APOBEC1: variants seen among roughly 807,000 people sequenced by gnomAD.
APOBEC1 encodes apolipoprotein B mRNA editing enzyme catalytic subunit 1.
A neutral mutation model predicts 26.3 loss-of-function variants in APOBEC1; 22 were observed. That is an observed-to-expected ratio of 0.84 (90% CI 0.60 to 1.19). APOBEC1 has a LOEUF of 1.19. APOBEC1 is among the 50% of genes most tolerant of loss of function. APOBEC1 has a pLI of 0.00. For missense variants in APOBEC1, 253 were observed against 289.0 expected, an observed-to-expected ratio of 0.88 and a Z score of 0.90; for synonymous variants, 77 against 95.3, an observed-to-expected ratio of 0.81 and a Z score of 1.12.
chr12:7,663,490 C>T lies in APOBEC1; in HGVS notation c.16+2367G>A, dbSNP rs558494075. On this transcript the variant is annotated intron_variant, in intron 1 of 4. Transcript: ENST00000229304. ...GGAAGGAGGAAGGGGGTGGCTGGCA[C>T]GTTGGAATGAGCTCTTCTCAGATCT... 9.2e-5 allele frequency among the ~76,000 whole-genome samples: 14 copies of T among 151,980 alleles called. 1 individual carries two copies. Among genetic ancestry groups the T allele is most frequent in the African/African-American group, 1.5e-4 (6 of 41,356 alleles).
intron 1 of APOBEC1, among the ~76,000 whole-genome samples, chr12:7,658,394 A>T (rs192202977): frequency 6.6e-6 from 1 of 152,180 alleles, no homozygotes; most frequent in Non-Finnish European, 1.5e-5. Context: ...GGTTTGATAG[A>T]TGATTAAATA....
chr12:7,652,407 A>G, intron 3 of APOBEC1, 31 bp downstream of exon 3: 2 of 1,579,288 alleles, frequency 1.3e-6, no homozygotes, highest in Non-Finnish European at 1.7e-6. Context: ...TCTGTTGTAA[A>G]CAATGAAGTT....
rs890884076 is a variant in APOBEC1 at position 7,651,093 on chromosome 12, T to C, written c.491A>G (p.Glu164Gly). The C allele has an allele frequency of 1.2e-6, 2 of 1,614,030 alleles. No individual in the cohort carries two copies. Among genetic ancestry groups the C allele is most frequent in the Admixed American group, 1.7e-5 (1 of 59,996 alleles). Residue 164 changes from glutamate to glycine, a missense_variant, in exon 4 of 5, where the codon GAA becomes GGA. Transcript: ENST00000229304. ...AGGTGGGTATTGTGGCCAGTGAGCTTCATCCCCAGGTGGGTAGTTGACAAA... is the reference window on the plus strand; with the variant it reads ...AGGTGGGTATTGTGGCCAGTGAGCTCCATCCCCAGGTGGGTAGTTGACAAA... ...RNFVNYPPGD[E>G]AHWPQYPPLW...
chr12:7,660,311 A>AAAGG lies in APOBEC1; in HGVS notation c.16+5542_16+5545dup, dbSNP rs147558110. Among the ~76,000 whole-genome samples, 718 of 126,658 alleles carry AAAGG rather than the reference A, an allele frequency of 5.7e-3. 11 individuals carry two copies. Among genetic ancestry groups the AAAGG allele is most frequent in the Middle Eastern group, 0.028 (7 of 250 alleles). 83.1% of individuals were successfully genotyped at this position (126,658 alleles called of 152,430 possible). ...GAGCAAGACTCTGTCTCAAAAAAAG[A>AAAGG]AAGGAAGGAAGGAAGGAAGGAAGGG... On this transcript the variant is annotated intron_variant, in intron 1 of 4. Transcript: ENST00000229304.
At chr12:7,670,119 G>A (rs1410290334), upstream of APOBEC1, among the ~76,000 whole-genome samples, 3 of 138,942 alleles carry the variant, frequency 2.2e-5, 1 homozygote, top group African/African-American at 8.2e-5. Flanking sequence ...GAGTAGCTGG[G>A]ATTACAGGCG....
chr12:7,665,764 C>CGG, intron 1 of APOBEC1, 93 bp downstream of exon 1: 1 of 518,250 alleles, frequency 1.9e-6, no homozygotes, highest in Non-Finnish European at 3.3e-6. Flanking sequence ...CACACACACA[C>CGG]ACACACACAC....
upstream of APOBEC1, among the ~76,000 whole-genome samples, chr12:7,667,922 GA>G (rs56061810): frequency 3.1e-3 from 421 of 137,730 alleles, 3 homozygotes; most frequent in African/African-American, 9.7e-3. Flanking sequence ...AAAAAAAAAA[GA>G]AAAAAAAAAA....
chr12:7,668,189 C>T (rs114561766), upstream of APOBEC1, among the ~76,000 whole-genome samples: 3,801 of 152,052 alleles, frequency 0.025, 182 homozygotes, highest in African/African-American at 0.087. Flanking sequence ...AAGGGAGCCA[C>T]GATTCAAGGA....
chr12:7,651,559 T>C (rs1302675847), intron 3 of APOBEC1, among the ~76,000 whole-genome samples: 5 of 144,104 alleles, frequency 3.5e-5, no homozygotes, highest in African/African-American at 1.0e-4. Context: ...TTGCAGTGAG[T>C]CGAGATTGCA....
intron 1 of APOBEC1, among the ~76,000 whole-genome samples, chr12:7,655,209 A>C (rs1354623726): frequency 6.6e-6 from 1 of 151,728 alleles, no homozygotes; most frequent in Non-Finnish European, 1.5e-5. Context: ...ACTCTGTCTC[A>C]AAAATAAAAA....
chr12:7,663,154 AGAG>A (rs1863844020), intron 1 of APOBEC1, among the ~76,000 whole-genome samples: 1 of 152,130 alleles, frequency 6.6e-6, no homozygotes, highest in Non-Finnish European at 1.5e-5. Flanking sequence ...ATTTTTGAAC[AGAG>A]AAGAGTCACA....
upstream of APOBEC1, among the ~76,000 whole-genome samples, chr12:7,669,504 G>A (rs1352054505): frequency 6.6e-6 from 1 of 151,684 alleles, no homozygotes; most frequent in Non-Finnish European, 1.5e-5. Flanking sequence ...CTTCCTCTTG[G>A]GTAAATACCC....
chr12:7,658,894 G>A (rs983466492), intron 1 of APOBEC1, among the ~76,000 whole-genome samples: 2 of 150,994 alleles, frequency 1.3e-5, no homozygotes, highest in South Asian at 2.1e-4. Flanking sequence ...CAGAGGTTGC[G>A]GTGAGCCCAG....
At chr12:7,660,417 G>GAGAGAGA (rs200869333) in intron 1 of APOBEC1, among the ~76,000 whole-genome samples, 4 of 67,684 alleles carry the variant, frequency 5.9e-5, no homozygotes, top group African/African-American at 1.6e-4. Flanking sequence ...AGAAAGAGAG[G>GAGAGAGA]GTATTTGGGC....
chr12:7,661,868 T>C (rs57101663), intron 1 of APOBEC1, among the ~76,000 whole-genome samples: 13,217 of 152,186 alleles, frequency 0.087, 606 homozygotes, highest in Middle Eastern at 0.14. Flanking sequence ...GAAGTAACAA[T>C]TGATGTGGAA....
chr12:7,658,303 A>G (rs1863745597), intron 1 of APOBEC1, among the ~76,000 whole-genome samples: 1 of 152,150 alleles, frequency 6.6e-6, no homozygotes, highest in Non-Finnish European at 1.5e-5. Flanking sequence ...GCCTCATGTG[A>G]TCTGCCCCTC....
chr12:7,665,500 G>A (rs1863879913), intron 1 of APOBEC1, among the ~76,000 whole-genome samples: 1 of 151,916 alleles, frequency 6.6e-6, no homozygotes, highest in Non-Finnish European at 1.5e-5. Context: ...GTTTCACCAT[G>A]TTGGCCAGGC....
chr12:7,649,807 C>A, intron 4 of APOBEC1, 111 bp from the exon 5 acceptor site: 2 of 729,052 alleles, frequency 2.7e-6, no homozygotes, highest in Non-Finnish European at 2.0e-6. Flanking sequence ...ACTATTTCTT[C>A]TTTTTTTTTT....
chr12:7,654,523 G>C (rs377465246), intron 2 of APOBEC1, 82 bp downstream of exon 2: 6 of 1,403,716 alleles, frequency 4.3e-6, no homozygotes, highest in Non-Finnish European at 6.1e-6. Context: ...GATTATAGGC[G>C]CATGTGCCAC....
Sources: gnomAD v4.1 joint callset for allele counts (sites outside exome capture counted in the v4.1 genomes callset) on GRCh38, gnomAD v4.1.1 for gene constraint, MANE v1.5 for transcripts, NCBI Gene and HGNC (gene_info 2026-07-23, HGNC 2026-07-21) for gene names.